ESR1: variants seen among roughly 807,000 people sequenced by gnomAD.
ESR1 encodes estrogen receptor 1.
ESR1 carries 12 observed loss-of-function variants against 52.7 expected under a neutral mutation model. The ratio of observed to expected loss-of-function variants is 0.23; its 90% CI spans 0.15 to 0.37. ESR1 has a LOEUF of 0.37. ESR1 is among the 10% of genes least tolerant of loss of function. The pLI is 1.00. For synonymous variants in ESR1, 305 were observed against 316.8 expected, an observed-to-expected ratio of 0.96 and a Z score of 0.39; for missense variants, 584 against 779.7, an observed-to-expected ratio of 0.75 and a Z score of 2.99.
At chr6:151,713,999 A>G (rs1780829419) in intron 2 of ESR1, among the ~76,000 whole-genome samples, 1 of 152,094 alleles carries the variant, frequency 6.6e-6, no homozygotes, top group African/African-American at 2.4e-5. Flanking sequence ...TTCCCTCTAA[A>G]CACTGCTTTA....
chr6:152,064,149 A>T (rs540340914), intron 6 of ESR1, among the ~76,000 whole-genome samples: 1 of 152,366 alleles, frequency 6.6e-6, no homozygotes, highest in South Asian at 2.1e-4. Context: ...ACACCAAAGG[A>T]CAGAGGCATT....
chr6:152,044,058 A>G (rs1454248783), intron 5 of ESR1, among the ~76,000 whole-genome samples: 1 of 152,114 alleles, frequency 6.6e-6, no homozygotes, highest in Non-Finnish European at 1.5e-5. Context: ...TTTTGTTTTC[A>G]TCACTTTGAT....
At chr6:151,778,460 C>T (rs1377475644) in intron 2 of ESR1, among the ~76,000 whole-genome samples, 5 of 148,810 alleles carry the variant, frequency 3.4e-5, no homozygotes, top group Admixed American at 1.3e-4. Context: ...GGCTGGATGG[C>T]GGTGGCATGA....
At chr6:151,937,072 T>C (rs1167338092) in intron 3 of ESR1, among the ~76,000 whole-genome samples, 1 of 151,984 alleles carries the variant, frequency 6.6e-6, no homozygotes, top group Admixed American at 6.6e-5. Context: ...AAAACAAAGG[T>C]TTTTGGAAGG....
intron 2 of ESR1, among the ~76,000 whole-genome samples, chr6:151,779,579 G>A (rs937043834): frequency 6.6e-6 from 1 of 152,194 alleles, no homozygotes; most frequent in Non-Finnish European, 1.5e-5. Flanking sequence ...GTTGGTGGGA[G>A]TGTAAATTAT....
chr6:151,871,937 A>G (rs991186900), intron 2 of ESR1, among the ~76,000 whole-genome samples: 3 of 152,006 alleles, frequency 2.0e-5, no homozygotes, highest in Non-Finnish European at 4.4e-5. Flanking sequence ...GCTGAATAAT[A>G]CTCCACTGTA....
intron 5 of ESR1, among the ~76,000 whole-genome samples, chr6:152,020,325 G>A (rs1401745671): frequency 1.3e-5 from 2 of 152,188 alleles, no homozygotes; most frequent in African/African-American, 4.8e-5. Flanking sequence ...GGAAAGCAGA[G>A]TATGTTGGCA....
chr6:151,746,419 A>G (rs1265279125), intron 2 of ESR1, among the ~76,000 whole-genome samples: 5 of 152,236 alleles, frequency 3.3e-5, no homozygotes, highest in Non-Finnish European at 7.3e-5. Context: ...TGATTGTCTT[A>G]AATGAGTCAT....
chr6:151,975,042 G>A (rs2039303147), intron 4 of ESR1, among the ~76,000 whole-genome samples: 1 of 152,162 alleles, frequency 6.6e-6, no homozygotes, highest in Non-Finnish European at 1.5e-5. Context: ...AAATGGGGTA[G>A]CTGTGAGGCT....
At chr6:151,747,949 G>A (rs1429007688) in intron 2 of ESR1, among the ~76,000 whole-genome samples, 1 of 152,202 alleles carries the variant, frequency 6.6e-6, no homozygotes, top group African/African-American at 2.4e-5. Context: ...ACGTTTGTGT[G>A]TGAGTTTTTG....
At chr6:151,686,080 T>TG (rs1778657630), upstream of ESR1, among the ~76,000 whole-genome samples, 1 of 147,416 alleles carries the variant, frequency 6.8e-6, no homozygotes, top group South Asian at 2.2e-4. Flanking sequence ...TTTTTTTTTT[T>TG]TTTTTTTTAT....
intron 6 of ESR1, among the ~76,000 whole-genome samples, chr6:152,119,063 G>C (rs2051244734): frequency 6.6e-6 from 1 of 152,192 alleles, no homozygotes; most frequent in South Asian, 2.1e-4. Context: ...AGGCAGCCCA[G>C]ACCAGCCCTG....
At chr6:151,998,275 TG>T in intron 4 of ESR1, among the ~76,000 whole-genome samples, 1 of 152,292 alleles carries the variant, frequency 6.6e-6, no homozygotes, top group African/African-American at 2.4e-5. Context: ...CATGTAATTG[TG>T]CAATTTACAC....
chr6:152,000,182 C>T (rs2041839204), intron 4 of ESR1, among the ~76,000 whole-genome samples: 1 of 151,982 alleles, frequency 6.6e-6, no homozygotes, highest in African/African-American at 2.4e-5. Flanking sequence ...TTACCATTCT[C>T]ATTTTGCAGA....
In ESR1 at chr6:152,100,201, G is replaced by A; in HGVS notation, c.*1235G>A. ...CCAGCTCTTCTTCATTTCCCAGCGT[G>A]GCCCTGGTTGGAAGAAGCAGCTGTC... On this transcript the variant is annotated 3_prime_UTR_variant, in exon 8 of 8. Coordinates refer to ENST00000206249, the MANE Select transcript of ESR1 (RefSeq NM_000125.4). The A allele has an allele frequency of 2.5e-6, 1 of 397,102 alleles. No homozygotes were observed. Among genetic ancestry groups the A allele is most frequent in the Non-Finnish European group, 4.4e-6 (1 of 225,490 alleles). The allele number at this position is 397,102 out of a possible 1,614,324, so 24.6% of individuals were successfully genotyped here. A position where few individuals can be genotyped will look rare whatever the true frequency, so the allele number is the denominator to read the frequency against.
At chr6:151,895,435 T>C (rs1435705602) in intron 3 of ESR1, among the ~76,000 whole-genome samples, 1 of 152,168 alleles carries the variant, frequency 6.6e-6, no homozygotes, top group Admixed American at 6.5e-5. Flanking sequence ...CTGTGTTGAA[T>C]AGTGAGAGTG....
intron 2 of ESR1, among the ~76,000 whole-genome samples, chr6:151,790,855 A>G (rs574551233): frequency 2.6e-5 from 4 of 152,270 alleles, no homozygotes; most frequent in Non-Finnish European, 4.4e-5. Flanking sequence ...TTGATCCCTG[A>G]GTTAATCTCC....
Position 152,101,490 on chromosome 6 carries a change from T to G in ESR1, c.*2524T>G, listed in dbSNP as rs546127983. The G allele has an allele frequency of 3.4e-5, 8 of 232,512 alleles. No homozygotes were observed. Among genetic ancestry groups the G allele is most frequent in the Non-Finnish European group, 5.1e-5 (6 of 117,682 alleles). 14.4% of individuals were successfully genotyped at this position (232,512 alleles called of 1,614,324 possible). A position where few individuals can be genotyped will look rare whatever the true frequency, so the allele number is the denominator to read the frequency against. On this transcript the variant is annotated 3_prime_UTR_variant, in exon 8 of 8. Coordinates refer to ENST00000206249, the MANE Select transcript of ESR1 (RefSeq NM_000125.4). ...TGTGTTTCTATTCATGTTAAGATAC[T>G]ACTACATTTGAAGTGGGCAGAGAAC...
chr6:151,905,236 G>A (rs145682491), intron 3 of ESR1, among the ~76,000 whole-genome samples: 2 of 152,294 alleles, frequency 1.3e-5, no homozygotes, highest in African/African-American at 4.8e-5. Context: ...AAGGAGGTGC[G>A]AGTGACCTGA....
Sources: gnomAD v4.1 joint callset for allele counts (sites outside exome capture counted in the v4.1 genomes callset) on GRCh38, gnomAD v4.1.1 for gene constraint, MANE v1.5 for transcripts, NCBI Gene and HGNC (gene_info 2026-07-23, HGNC 2026-07-21) for gene names.